COL5A1: variants seen among roughly 807,000 people sequenced by gnomAD.
COL5A1 encodes collagen type V alpha 1 chain.
Under a neutral mutation model 263.7 loss-of-function variants are expected in COL5A1, and 16 were observed. The observed-to-expected ratio is 0.06, with a 90% CI of 0.04 to 0.09. The LOEUF (loss-of-function observed/expected upper bound fraction) is 0.09. Ranked by LOEUF, COL5A1 falls within the 10% of genes least tolerant of loss-of-function variation. The pLI, the probability that COL5A1 is intolerant of heterozygous loss-of-function variation, is 1.00. For missense variants in COL5A1, 2,036 were observed against 2,540.5 expected, an observed-to-expected ratio of 0.80 and a Z score of 4.27; for synonymous variants, 1,012 against 1,004.5, an observed-to-expected ratio of 1.01 and a Z score of -0.14.
chr9:134,661,835 G>A (rs1264250201), intron 1 of COL5A1, among the ~76,000 whole-genome samples: 4 of 152,116 alleles, frequency 2.6e-5, no homozygotes, highest in Non-Finnish European at 2.9e-5. Flanking sequence ...TGCCAACCTC[G>A]CTGTTCCTCC....
In COL5A1 at chr9:134,756,751, C is replaced by T. The variant is rs773760853; in HGVS notation, c.1828-14C>T. The T allele has an allele frequency of 6.2e-7, 1 of 1,613,972 alleles. No homozygotes were observed. The highest frequency in any genetic ancestry group is 1.3e-5 in the African/African-American group (1 of 75,036). ...GGCTCTTTTGCATTGACGGTTTTGC[C>T]TCCTTTGTTCCAGGGTCGGGCTGGG... On this transcript the variant is annotated splice_polypyrimidine_tract_variant and intron_variant, in intron 16 of 65. Transcript: ENST00000371817.
At chr9:134,655,942 T>C (rs574851403) in intron 1 of COL5A1, among the ~76,000 whole-genome samples, 2 of 152,172 alleles carry the variant, frequency 1.3e-5, no homozygotes, top group African/African-American at 4.8e-5. Context: ...TTGCAGAGGG[T>C]TGGAGTTCTC....
chr9:134,719,388 A>C (rs369427522), intron 4 of COL5A1, among the ~76,000 whole-genome samples: 10 of 152,366 alleles, frequency 6.6e-5, no homozygotes, highest in Middle Eastern at 3.4e-3. Flanking sequence ...ACCCATGTGC[A>C]CACCTGCATC....
chr9:134,763,586 T>C, intron 19 of COL5A1, 107 bp from the exon 20 acceptor site: 1 of 1,114,382 alleles, frequency 9.0e-7, no homozygotes, highest in Non-Finnish European at 1.4e-6. Flanking sequence ...AAACCTGGCG[T>C]ATGTGAAGCA....
At chr9:134,684,342 CAG>C (rs1038320386) in intron 1 of COL5A1, among the ~76,000 whole-genome samples, 2 of 152,210 alleles carry the variant, frequency 1.3e-5, no homozygotes, top group African/African-American at 4.8e-5. Flanking sequence ...CGGGGGGAAA[CAG>C]AGCGTTGCTG....
At chr9:134,656,245 ACT>A (rs1255744228) in intron 1 of COL5A1, among the ~76,000 whole-genome samples, 1 of 151,694 alleles carries the variant, frequency 6.6e-6, no homozygotes, top group Non-Finnish European at 1.5e-5. Flanking sequence ...ACTTTGGGAA[ACT>A]CTGAGCAGAG....
chr9:134,769,915 G>A (rs1836816777), intron 25 of COL5A1, among the ~76,000 whole-genome samples: 1 of 152,176 alleles, frequency 6.6e-6, no homozygotes, highest in African/African-American at 2.4e-5. Context: ...GACCTAACTT[G>A]TTCTCCCTGG....
chr9:134,784,560 G>C (rs1004066905), intron 29 of COL5A1, among the ~76,000 whole-genome samples: 1 of 152,220 alleles, frequency 6.6e-6, no homozygotes, highest in South Asian at 2.1e-4. Context: ...TCCGGGGCTG[G>C]GGTCCACTTC....
At chr9:134,820,897 A>G (rs952814990) in intron 58 of COL5A1, among the ~76,000 whole-genome samples, 5 of 152,126 alleles carry the variant, frequency 3.3e-5, no homozygotes, top group African/African-American at 1.2e-4. Flanking sequence ...GGTGTGACGG[A>G]CACACACACG....
In COL5A1 at chr9:134,754,669, G is replaced by A. The variant is rs1835909503; in HGVS notation, c.1827+343G>A. ...CCTTATATATTTCGGGCAGCACTGG[G>A]ACTCCAGAAATGGCCTGATTCGGGG... is the stretch of plus-strand genomic sequence containing the variant. On this transcript the variant is annotated intron_variant, in intron 16 of 65. Coordinates refer to ENST00000371817, the MANE Select transcript of COL5A1 (RefSeq NM_000093.5). This position sits in a 1 kb window ranked among gnomAD's most constrained non-coding sequence, Gnocchi z 4.3. Among the ~76,000 whole-genome samples the A allele has an allele frequency of 6.6e-6, 1 of 152,202 alleles. No homozygotes were observed. The highest frequency in any genetic ancestry group is 6.5e-5 in the Admixed American group (1 of 15,280).
chr9:134,698,296 G>A (rs1324199211), intron 2 of COL5A1, among the ~76,000 whole-genome samples: 1 of 152,248 alleles, frequency 6.6e-6, no homozygotes. Flanking sequence ...GCTGAGTCAT[G>A]GCTTGGAGCT....
intron 11 of COL5A1, among the ~76,000 whole-genome samples, chr9:134,739,571 G>A (rs931727697): frequency 6.6e-5 from 10 of 152,204 alleles, no homozygotes; most frequent in African/African-American, 9.7e-5. Flanking sequence ...GGGTCTGGTC[G>A]TGTGAGAAGG....
chr9:134,642,174 C>A lies in COL5A1; in HGVS notation c.-14C>A. 8.0e-7 allele frequency: 1 copy of A among 1,251,756 alleles called. No homozygotes were observed. The highest frequency in any genetic ancestry group is 1.0e-6 in the Non-Finnish European group (1 of 1,002,928). The allele number at this position is 1,251,756 out of a possible 1,614,324, so 77.5% of individuals were successfully genotyped here. On this transcript the variant is annotated 5_prime_UTR_variant, in exon 1 of 66. Transcript: ENST00000371817. The surrounding 1 kb of genome is among the most constrained non-coding windows in gnomAD (Gnocchi z 4.5). ...CCGAGCGCCCCTGTGCGCCCCGGCC[C>A]GCGCCCCGCCGGCATGGACGTCCAT...
chr9:134,790,718 G>C (rs1167884203), intron 32 of COL5A1, among the ~76,000 whole-genome samples: 1 of 150,292 alleles, frequency 6.7e-6, no homozygotes, highest in Non-Finnish European at 1.5e-5. Flanking sequence ...TCTCTATCCA[G>C]CTGTCATTCT....
chr9:134,814,944 G>GCCCCGCCCCTGCT, intron 50 of COL5A1, 40 bp downstream of exon 50: 1 of 1,426,816 alleles, frequency 7.0e-7, no homozygotes, highest in Non-Finnish European at 9.7e-7. Flanking sequence ...CTGCAGCAGG[G>GCCCCGCCCCTGCT]GCGGGGCTCT....
At chr9:134,827,682 C>A (rs556858160) in intron 63 of COL5A1, among the ~76,000 whole-genome samples, 41 of 152,328 alleles carry the variant, frequency 2.7e-4, no homozygotes, top group African/African-American at 9.6e-4. Context: ...CCAGTGTTGA[C>A]CAGCCAGGCG....
intron 1 of COL5A1, among the ~76,000 whole-genome samples, chr9:134,653,720 G>A (rs1267378500): frequency 6.6e-6 from 1 of 151,888 alleles, no homozygotes; most frequent in Non-Finnish European, 1.5e-5. Context: ...CTGCAGGGCT[G>A]GGGGTCTTTC....
intron 4 of COL5A1, among the ~76,000 whole-genome samples, chr9:134,713,226 A>C (rs562192676): frequency 1.3e-5 from 2 of 152,376 alleles, no homozygotes; most frequent in East Asian, 3.9e-4. Flanking sequence ...AGGATGCCTG[A>C]GCCCTACCCC....
chr9:134,826,603 G>A (rs1176239298), intron 63 of COL5A1, among the ~76,000 whole-genome samples: 1 of 150,588 alleles, frequency 6.6e-6, no homozygotes, highest in Non-Finnish European at 1.5e-5. Context: ...TGGGGTGTAT[G>A]TGGATGGTGT....
Sources: gnomAD v4.1 joint callset for allele counts (sites outside exome capture counted in the v4.1 genomes callset) on GRCh38, gnomAD v4.1.1 for gene constraint, Gnocchi (gnomAD v3.1) non-coding constraint, MANE v1.5 for transcripts, NCBI Gene and HGNC (gene_info 2026-07-23, HGNC 2026-07-21) for gene names.